The following FAM83D variants were observed in gnomAD, a reference collection of about 807,000 sequenced individuals.
The protein encoded by FAM83D is scaffolding CK1 anchoring protein D, also known as protein FAM83D.
Under a neutral mutation model 25.4 loss-of-function variants are expected in FAM83D, and 26 were observed. That is an observed-to-expected ratio of 1.02 (90% confidence interval 0.75 to 1.42). FAM83D has a LOEUF of 1.42. Among genes scored for constraint, FAM83D ranks in the 40% most tolerant of loss-of-function variants. The pLI, the probability that FAM83D is intolerant of heterozygous loss-of-function variation, is 0.00. For missense variants in FAM83D, 740 were observed against 758.1 expected (o/e 0.98, Z 0.28); for synonymous variants, 310 against 318.5 (o/e 0.97, Z 0.28).
intron 1 of FAM83D, among the ~76,000 whole-genome samples, chr20:38,934,192 A>G (rs1185681667): frequency 8.9e-6 from 1 of 111,922 alleles, no homozygotes; most frequent in Non-Finnish European, 1.9e-5. Flanking sequence ...CTTAGCGTCT[A>G]GCAGACAGTA....
intron 1 of FAM83D, among the ~76,000 whole-genome samples, chr20:38,936,720 C>G (rs776338135): frequency 6.6e-6 from 1 of 152,102 alleles, no homozygotes; most frequent in Non-Finnish European, 1.5e-5. Context: ...AACAAGCTAC[C>G]TAACCTCTCC....
intron 2 of FAM83D, among the ~76,000 whole-genome samples, chr20:38,945,746 C>A (rs1238969120): frequency 3.2e-5 from 4 of 125,286 alleles, no homozygotes; most frequent in East Asian, 2.6e-4. Flanking sequence ...ACCCCCCCCC[C>A]ACCACCCCAC....
intron 1 of FAM83D, among the ~76,000 whole-genome samples, chr20:38,937,239 G>C (rs1042169575): frequency 1.3e-5 from 2 of 152,228 alleles, no homozygotes; most frequent in African/African-American, 4.8e-5. Flanking sequence ...CTAGTCCTTA[G>C]AGAGTGGGTG....
In FAM83D at chr20:38,951,936, C is replaced by G. The variant is rs1175419501; in HGVS notation, c.1174C>G (p.Gln392Glu). 5.0e-6 allele frequency: 8 copies of G among 1,614,144 alleles called. No individual in the cohort carries two copies. Among genetic ancestry groups the G allele is most frequent in the Non-Finnish European group, 6.8e-6 (8 of 1,180,032 alleles). Residue 392 changes from glutamine to glutamate, a missense_variant, in exon 4 of 4, where the codon CAA (glutamine) becomes GAA (glutamate). Physicochemically the swap from Gln to Glu is conservative, Grantham distance 29. Transcript: ENST00000619850. ...CAGAAAGGCCATTGACGCTGCCACT[C>G]AAACAGAGCCAGGAGAGGAGATGCC... ...QSRKAIDAAT[Q>E]TEPGEEMPGL...
chr20:38,942,164 C>CA (rs1420976747), intron 2 of FAM83D, 38 bp downstream of exon 2: 1 of 1,602,736 alleles, frequency 6.2e-7, no homozygotes, highest in African/African-American at 1.3e-5. Context: ...CCATAGTCAA[C>CA]AAATATGACC....
intron 3 of FAM83D, among the ~76,000 whole-genome samples, chr20:38,949,451 C>T (rs762705342): frequency 6.6e-6 from 1 of 152,102 alleles, no homozygotes; most frequent in Non-Finnish European, 1.5e-5. Flanking sequence ...TGAGCCACTG[C>T]GCCCGGCCCA....
chr20:38,948,925 ACT>A (rs761182630), intron 3 of FAM83D, among the ~76,000 whole-genome samples: 3 of 152,134 alleles, frequency 2.0e-5, no homozygotes, highest in Non-Finnish European at 4.4e-5. Flanking sequence ...AACAAATTGA[ACT>A]CTTTTTCTTG....
In FAM83D at chr20:38,926,923, G is replaced by T; in HGVS notation, c.481G>T (p.Glu161Ter). Reference protein sequence around the residue: ...ALRQQLRSAREVIAVVMDVFT... With the variant: ...ALRQQLRSAR ...GCGCCAGCAGCTCCGCTCGGCGCGA[G>T]AGGTGAGCGGCCCTCCAGGGCCCTG... Residue 161 changes from glutamate to a stop codon, truncating the protein, a stop_gained and splice_region_variant, in exon 1 of 4, where the codon GAG becomes TAG. Coordinates refer to ENST00000619850, the MANE Select transcript of FAM83D (RefSeq NM_030919.3). LOFTEE classifies it high-confidence loss of function. The T allele has an allele frequency of 6.9e-7, 1 of 1,449,946 alleles. No homozygotes were observed. The highest frequency in any genetic ancestry group is 9.0e-7 in the Non-Finnish European group (1 of 1,107,710). The allele number at this position is 1,449,946 out of a possible 1,614,324, so 89.8% of individuals were successfully genotyped here. A position where few individuals can be genotyped will look rare whatever the true frequency, so the allele number is the denominator to read the frequency against.
intron 1 of FAM83D, among the ~76,000 whole-genome samples, chr20:38,927,866 C>A (rs2085643196): frequency 6.6e-6 from 1 of 152,218 alleles, no homozygotes; most frequent in African/African-American, 2.4e-5. Flanking sequence ...TTTCCATAGG[C>A]TGGGTCTGTG....
rs2085705165 is a variant in FAM83D at position 38,942,086 on chromosome 20, A to T, written c.611A>T (p.Asp204Val). 1 of 1,614,192 alleles carries T rather than the reference A, an allele frequency of 6.2e-7. No homozygotes were observed. The highest frequency in any genetic ancestry group is 2.2e-5 in the East Asian group (1 of 44,888). The change falls in exon 2 of 4, where the codon GAT (aspartate) becomes GTT (valine). Residue 204 changes from aspartate (D) to valine (V), a missense_variant. By Grantham distance (152) the Asp-to-Val change is radical. Coordinates refer to ENST00000619850, the MANE Select transcript of FAM83D (RefSeq NM_030919.3). ...LDQALLSQFL[D>V]MCMDLKVHPE... ...CAGGCTCTCCTCTCTCAATTTCTGG[A>T]TATGTGCATGGATCTGAAAGTTCAT...
chr20:38,930,637 T>C (rs2145799596), intron 1 of FAM83D, among the ~76,000 whole-genome samples: 1 of 151,622 alleles, frequency 6.6e-6, no homozygotes, highest in Middle Eastern at 3.4e-3. Context: ...CACACCACCA[T>C]GCCCAGCTAA....
chr20:38,938,370 T>C (rs1460047926), intron 1 of FAM83D, among the ~76,000 whole-genome samples: 1 of 152,248 alleles, frequency 6.6e-6, no homozygotes, highest in Non-Finnish European at 1.5e-5. Context: ...CACACTCTGT[T>C]ACCCCTGGCT....
chr20:38,945,903 G>T (rs1173076774), intron 2 of FAM83D, among the ~76,000 whole-genome samples: 3 of 151,780 alleles, frequency 2.0e-5, no homozygotes, highest in Non-Finnish European at 2.9e-5. Flanking sequence ...GCTGGATCTT[G>T]ACACCTTTAA....
intron 2 of FAM83D, among the ~76,000 whole-genome samples, chr20:38,946,852 T>G (rs1443157092): frequency 2.0e-5 from 3 of 152,250 alleles, no homozygotes; most frequent in Non-Finnish European, 2.9e-5. Flanking sequence ...CTGTTATGAA[T>G]AAAGTTGCTG....
intron 2 of FAM83D, 46 bp downstream of exon 2, chr20:38,942,172 A>G: frequency 6.3e-7 from 1 of 1,598,434 alleles, no homozygotes; most frequent in Non-Finnish European, 8.6e-7. Context: ...AACAAATATG[A>G]CCAAGCATCC....
intron 1 of FAM83D, among the ~76,000 whole-genome samples, chr20:38,939,668 T>A (rs915033520): frequency 2.0e-5 from 3 of 152,174 alleles, no homozygotes; most frequent in African/African-American, 7.2e-5. Context: ...TTTAATTGCT[T>A]AGGCTGTATA....
intron 1 of FAM83D, among the ~76,000 whole-genome samples, chr20:38,928,096 G>T (rs983520822): frequency 6.6e-6 from 1 of 152,186 alleles, no homozygotes; most frequent in Non-Finnish European, 1.5e-5. Context: ...ATAGAGTGTC[G>T]TGGCAGACAC....
At chr20:38,928,301 A>G (rs1269467545) in intron 1 of FAM83D, among the ~76,000 whole-genome samples, 1 of 152,188 alleles carries the variant, frequency 6.6e-6, no homozygotes, top group Non-Finnish European at 1.5e-5. Flanking sequence ...CCCGACTCTC[A>G]CCAATGTTCT....
chr20:38,942,851 C>T (rs1454216655), intron 2 of FAM83D, among the ~76,000 whole-genome samples: 1 of 152,132 alleles, frequency 6.6e-6, no homozygotes, highest in African/African-American at 2.4e-5. Flanking sequence ...AGACCTTGGC[C>T]TCTCCCCTGT....
Sources: allele counts gnomAD v4.1 joint callset (sites outside exome capture counted in the v4.1 genomes callset), GRCh38; gene constraint gnomAD v4.1.1; transcripts MANE v1.5; gene names NCBI Gene and HGNC (gene_info 2026-07-23, HGNC 2026-07-21).